Variants in CHN1 observed in about 807,000 individuals in gnomAD.
CHN1 encodes the protein N-chimaerin.
CHN1 carries 37 observed loss-of-function variants against 59.5 expected under a neutral mutation model. The ratio of observed to expected loss-of-function variants is 0.62; its 90% CI spans 0.48 to 0.82. The LOEUF (loss-of-function observed/expected upper bound fraction) is 0.82. Among genes scored for constraint, CHN1 ranks in the 40% least tolerant of loss-of-function variants. CHN1 has a pLI of 0.00. For missense variants in CHN1, 469 were observed against 571.0 expected, an observed-to-expected ratio of 0.82 and a Z score of 1.82; for synonymous variants, 206 against 200.4, an observed-to-expected ratio of 1.03 and a Z score of -0.24.
At chr2:174,906,230 C>A (rs1226252661) in intron 5 of CHN1, among the ~76,000 whole-genome samples, 1 of 152,092 alleles carries the variant, frequency 6.6e-6, no homozygotes, top group African/African-American at 2.4e-5. Context: ...AGAAACAACT[C>A]AAATGTCCAT....
At chr2:174,919,006 A>G (rs918257835) in intron 3 of CHN1, among the ~76,000 whole-genome samples, 8 of 151,916 alleles carry the variant, frequency 5.3e-5, no homozygotes, top group Admixed American at 6.6e-5. Context: ...TTGTCCCATC[A>G]TCTCTTCCCT....
chr2:174,853,326 TGACA>T (rs137962550), intron 6 of CHN1, among the ~76,000 whole-genome samples: 6,261 of 152,184 alleles, frequency 0.041, 449 homozygotes, highest in African/African-American at 0.14. Flanking sequence ...TATAAATGGC[TGACA>T]AACATATGAA....
intron 7 of CHN1, among the ~76,000 whole-genome samples, chr2:174,824,829 T>C (rs1685630643): frequency 6.6e-6 from 1 of 152,128 alleles, no homozygotes. Flanking sequence ...CAGGCTAGTC[T>C]TGAACTTCTG....
intron 7 of CHN1, among the ~76,000 whole-genome samples, chr2:174,828,724 G>A (rs1389041983): frequency 6.6e-6 from 1 of 152,200 alleles, no homozygotes; most frequent in Non-Finnish European, 1.5e-5. Context: ...TTTGTGTGTT[G>A]CAGGATGCTA....
chr2:174,865,289 C>T (rs941505420), intron 6 of CHN1, among the ~76,000 whole-genome samples: 1 of 152,058 alleles, frequency 6.6e-6, no homozygotes, highest in Non-Finnish European at 1.5e-5. Context: ...GGTACTACTC[C>T]CTTTTGGTAA....
intron 6 of CHN1, among the ~76,000 whole-genome samples, chr2:174,872,473 C>T (rs771470212): frequency 1.1e-4 from 16 of 152,236 alleles, no homozygotes; most frequent in Non-Finnish European, 1.6e-4. Context: ...AAGCAGAAAG[C>T]TTGACTTGTC....
rs971999369 is a variant in CHN1, at chr2:174,799,137, CT to C, written c.*978del. ...TAGCCTCTTTCTTCTTCTGAGAGCT[CT>C]GGTAGGAACTCCTGCCCAACCTCTC... On this transcript the variant is annotated 3_prime_UTR_variant, in exon 13 of 13. Coordinates refer to ENST00000409900, the MANE Select transcript of CHN1 (RefSeq NM_001822.7). Among the ~76,000 whole-genome samples, 3 of 152,206 alleles carry C rather than the reference CT, an allele frequency of 2.0e-5. No homozygotes were observed. Among genetic ancestry groups the C allele is most frequent in the Non-Finnish European group, 2.9e-5 (2 of 68,038 alleles).
At chr2:174,884,092 C>G (rs900565145) in intron 5 of CHN1, among the ~76,000 whole-genome samples, 3 of 151,362 alleles carry the variant, frequency 2.0e-5, no homozygotes, top group South Asian at 2.1e-4. Context: ...CTCAGCCTCC[C>G]GAGTAGCTGG....
chr2:174,994,368 C>T (rs1191185897), intron 1 of CHN1, among the ~76,000 whole-genome samples: 1 of 152,082 alleles, frequency 6.6e-6, no homozygotes, highest in Non-Finnish European at 1.5e-5. Flanking sequence ...ACAGGGAGTC[C>T]ATGTCATATG....
chr2:174,988,568 A>G (rs1691430711), intron 1 of CHN1, among the ~76,000 whole-genome samples: 1 of 152,182 alleles, frequency 6.6e-6, no homozygotes, highest in Non-Finnish European at 1.5e-5. Flanking sequence ...CAATATATTT[A>G]GTTGCCTTGA....
Position 174,826,215 on chromosome 2 carries a change from C to T in CHN1, c.628-1697G>A, listed in dbSNP as rs892491030. Among the ~76,000 whole-genome samples the T allele has an allele frequency of 3.3e-5, 5 of 152,166 alleles. No individual in the cohort carries two copies. In the East Asian group the frequency reaches 9.6e-4, roughly 29 times the overall value. On this transcript the variant is annotated intron_variant, in intron 7 of 12. Coordinates refer to ENST00000409900, the MANE Select transcript of CHN1 (RefSeq NM_001822.7). ...TCTGGATTGTTAATGATGTTCAGAG[C>T]CTGTAAACTCAAAGTATTTCCTGGA...
At chr2:174,939,147 A>C (rs2105397496) in intron 3 of CHN1, among the ~76,000 whole-genome samples, 1 of 152,288 alleles carries the variant, frequency 6.6e-6, no homozygotes, top group South Asian at 2.1e-4. Context: ...GAGCAAAGGT[A>C]AATAAAAGGA....
intron 3 of CHN1, among the ~76,000 whole-genome samples, chr2:174,937,029 A>G (rs1689518071): frequency 6.6e-6 from 1 of 152,256 alleles, no homozygotes; most frequent in African/African-American, 2.4e-5. Flanking sequence ...TTCTGGAATT[A>G]GGAAAAAAGC....
chr2:174,886,113 G>C (rs1687886514), intron 5 of CHN1, among the ~76,000 whole-genome samples: 1 of 152,186 alleles, frequency 6.6e-6, no homozygotes, highest in African/African-American at 2.4e-5. Flanking sequence ...TAAAACATGA[G>C]TGTGAGTGCT....
chr2:174,804,923 T>G (rs1684840939), intron 11 of CHN1, among the ~76,000 whole-genome samples: 1 of 152,248 alleles, frequency 6.6e-6, no homozygotes, highest in Admixed American at 6.5e-5. Context: ...CTGAATATAC[T>G]GAGATCAAAT....
chr2:174,887,842 T>C (rs1192986061), intron 5 of CHN1, among the ~76,000 whole-genome samples: 1 of 152,202 alleles, frequency 6.6e-6, no homozygotes, highest in Non-Finnish European at 1.5e-5. Flanking sequence ...AAAAGCGTTC[T>C]AAGTCTGACA....
chr2:174,800,988 T>C (rs912480313), intron 12 of CHN1, among the ~76,000 whole-genome samples: 1 of 152,246 alleles, frequency 6.6e-6, no homozygotes, highest in African/African-American at 2.4e-5. Context: ...ATCATTTTTA[T>C]ATAACTCATG....
At chr2:174,853,476 G>A (rs1314030871) in intron 6 of CHN1, among the ~76,000 whole-genome samples, 1 of 152,186 alleles carries the variant, frequency 6.6e-6, no homozygotes, top group Non-Finnish European at 1.5e-5. Flanking sequence ...GGAGAAAAGA[G>A]AACACTTATA....
chr2:174,896,621 T>TA (rs1312104121), intron 5 of CHN1, among the ~76,000 whole-genome samples: 1 of 152,148 alleles, frequency 6.6e-6, no homozygotes, highest in Non-Finnish European at 1.5e-5. Context: ...ATCATGCTTT[T>TA]ACACAATTTT....
Sources: allele counts gnomAD v4.1 joint callset (sites outside exome capture counted in the v4.1 genomes callset), GRCh38; gene constraint gnomAD v4.1.1; transcripts MANE v1.5; gene names NCBI Gene and HGNC (gene_info 2026-07-23, HGNC 2026-07-21).